EPB41L4A: variants seen among roughly 807,000 people sequenced by gnomAD.
The protein encoded by EPB41L4A is erythrocyte membrane protein band 4.1 like 4A.
EPB41L4A carries 100 observed loss-of-function variants against 108.6 expected under a neutral mutation model. The observed-to-expected ratio is 0.92, with a 90% CI of 0.78 to 1.09. The LOEUF (loss-of-function observed/expected upper bound fraction) is 1.09, where lower values mean the gene tolerates loss of function less well. Ranked by LOEUF, EPB41L4A falls within the 50% of genes least tolerant of loss-of-function variation. EPB41L4A has a pLI of 0.00. For synonymous variants in EPB41L4A, 319 were observed against 289.0 expected (o/e 1.10, Z -1.05); for missense variants, 1,030 against 842.7 (o/e 1.22, Z -2.75).
At chr5:112,332,626 G>A (rs969960265) in intron 1 of EPB41L4A, among the ~76,000 whole-genome samples, 1 of 151,768 alleles carries the variant, frequency 6.6e-6, no homozygotes, top group Non-Finnish European at 1.5e-5. Context: ...CTCTTCCTTT[G>A]TGCATTCTTT....
At chr5:112,218,006 G>C (rs1030098855) in intron 12 of EPB41L4A, among the ~76,000 whole-genome samples, 7 of 152,140 alleles carry the variant, frequency 4.6e-5, no homozygotes, top group South Asian at 2.1e-4. Flanking sequence ...ATTTGGGACT[G>C]TGAGTGCACA....
In EPB41L4A at chr5:112,222,943, T is replaced by TA. The variant is rs1386603534; in HGVS notation, c.1087+11690_1087+11691insT. 0.013 allele frequency among the ~76,000 whole-genome samples: 9 copies of TA among 692 alleles called. No individual in the cohort carries two copies. The Admixed American group carries it at 0.19, about 14-fold the overall frequency. 0.5% of individuals were successfully genotyped at this position (692 alleles called of 152,430 possible). ...GCACCTGCTCCACAAGTGAAACTAG[T>TA]TTTTTTTTTTTTTTTTAAGATGGAG... On this transcript the variant is annotated intron_variant, in intron 12 of 22. Transcript: ENST00000261486.
chr5:112,262,395 T>C (rs1751557638), intron 7 of EPB41L4A, 99 bp downstream of exon 7: 1 of 950,522 alleles, frequency 1.1e-6, no homozygotes, highest in South Asian at 1.4e-5. Flanking sequence ...ATCTGCTTGC[T>C]AAACAACAGG....
intron 9 of EPB41L4A, among the ~76,000 whole-genome samples, chr5:112,257,679 G>T (rs1450865608): frequency 6.6e-6 from 1 of 152,028 alleles, no homozygotes; most frequent in Non-Finnish European, 1.5e-5. Flanking sequence ...TTCACCAGAG[G>T]ACCTCACTCA....
chr5:112,320,431 C>T (rs1755698715), intron 1 of EPB41L4A, among the ~76,000 whole-genome samples: 1 of 152,192 alleles, frequency 6.6e-6, no homozygotes, highest in South Asian at 2.1e-4. Flanking sequence ...TCACTGAAGT[C>T]ATTTTAACAT....
chr5:112,236,127 G>A (rs1390399976), intron 11 of EPB41L4A, among the ~76,000 whole-genome samples: 8 of 152,140 alleles, frequency 5.3e-5, no homozygotes, highest in Non-Finnish European at 1.0e-4. Flanking sequence ...GTGAACCACT[G>A]AGGCATTTCA....
chr5:112,411,386 C>G (rs1434288850), intron 1 of EPB41L4A, among the ~76,000 whole-genome samples: 3 of 152,120 alleles, frequency 2.0e-5, no homozygotes, highest in Non-Finnish European at 4.4e-5. Context: ...CTTCTAACAA[C>G]CACTCATACC....
chr5:112,195,576 C>T (rs1349491405), intron 16 of EPB41L4A, 85 bp downstream of exon 16: 2 of 1,128,628 alleles, frequency 1.8e-6, no homozygotes, highest in Admixed American at 2.1e-5. Context: ...AAAAATAATG[C>T]CCCCGCTCTT....
chr5:112,293,764 AC>A (rs1204583491), intron 2 of EPB41L4A, among the ~76,000 whole-genome samples: 10 of 152,106 alleles, frequency 6.6e-5, no homozygotes, highest in Non-Finnish European at 1.5e-4. Context: ...CCCTCTCAGC[AC>A]TTCCCGGGGT....
chr5:112,393,431 T>C (rs1231907710), intron 1 of EPB41L4A, among the ~76,000 whole-genome samples: 2 of 152,020 alleles, frequency 1.3e-5, no homozygotes, highest in South Asian at 2.1e-4. Flanking sequence ...CCCATAGAAA[T>C]ACAAACTACC....
intron 11 of EPB41L4A, among the ~76,000 whole-genome samples, chr5:112,235,636 C>CA (rs891229242): frequency 6.6e-6 from 1 of 152,056 alleles, no homozygotes; most frequent in Non-Finnish European, 1.5e-5. Context: ...AGTGTTTCCC[C>CA]AAAAAACAGA....
intron 3 of EPB41L4A, among the ~76,000 whole-genome samples, chr5:112,279,911 T>C (rs1049802639): frequency 1.3e-5 from 2 of 152,126 alleles, no homozygotes; most frequent in Admixed American, 6.5e-5. Flanking sequence ...CTTTAAAAGC[T>C]TGGACATTAT....
chr5:112,338,287 A>G (rs1002167181), intron 1 of EPB41L4A, among the ~76,000 whole-genome samples: 1 of 152,090 alleles, frequency 6.6e-6, no homozygotes, highest in African/African-American at 2.4e-5. Context: ...TCAGCTTCTC[A>G]GACCCCTTCA....
chr5:112,275,460 C>A (rs1000147838), intron 3 of EPB41L4A, 56 bp from the exon 4 acceptor site: 14 of 1,463,694 alleles, frequency 9.6e-6, no homozygotes, highest in Non-Finnish European at 1.3e-5. Flanking sequence ...GTCAAAGTTA[C>A]AGTATAATAT....
At chr5:112,266,366 TTACACTA>T in intron 4 of EPB41L4A, 36 bp from the exon 5 acceptor site, 1 of 1,454,098 alleles carries the variant, frequency 6.9e-7, no homozygotes, top group Middle Eastern at 2.0e-4. Flanking sequence ...TAACGATCTC[TTACACTA>T]CTCAAACCTG....
intron 6 of EPB41L4A, among the ~76,000 whole-genome samples, chr5:112,263,249 A>T (rs1169272843): frequency 1.3e-5 from 2 of 152,116 alleles, no homozygotes; most frequent in Admixed American, 6.5e-5. Context: ...AGTGTGTGTG[A>T]GTGTGTGAGA....
chr5:112,247,017 G>C (rs1261844585), intron 9 of EPB41L4A, among the ~76,000 whole-genome samples: 1 of 152,176 alleles, frequency 6.6e-6, no homozygotes. Flanking sequence ...TTCCTCGACT[G>C]ACAATGTGTA....
At chr5:112,202,473 A>G (rs147703577) in intron 15 of EPB41L4A, among the ~76,000 whole-genome samples, 53 of 152,290 alleles carry the variant, frequency 3.5e-4, no homozygotes, top group African/African-American at 1.1e-3. Flanking sequence ...CTAGAATCAC[A>G]TCATGCCTGA....
intron 20 of EPB41L4A, chr5:112,169,881 A>G (rs10045569): frequency 0.51 from 90,335 of 178,596 alleles, 23,672 homozygotes; most frequent in East Asian, 0.74. Flanking sequence ...ACTGGTGACT[A>G]AGGACTCCTG....
Sources: allele counts gnomAD v4.1 joint callset (sites outside exome capture counted in the v4.1 genomes callset), GRCh38; gene constraint gnomAD v4.1.1; transcripts MANE v1.5; gene names NCBI Gene and HGNC (gene_info 2026-07-23, HGNC 2026-07-21).